EPS8: variants seen among roughly 807,000 people sequenced by gnomAD.
EPS8 encodes epidermal growth factor receptor kinase substrate 8.
In EPS8, 42 loss-of-function variants were observed where a neutral mutation model predicts 103.8. That is an observed-to-expected ratio of 0.40 (90% CI 0.32 to 0.52). EPS8 has a LOEUF of 0.52. Among genes scored for constraint, EPS8 ranks in the 20% least tolerant of loss-of-function variants. The pLI is 0.40. For missense variants in EPS8, 969 were observed against 1,005.1 expected, an observed-to-expected ratio of 0.96 and a Z score of 0.49; for synonymous variants, 344 against 344.6, an observed-to-expected ratio of 1.00 and a Z score of 0.02.
intron 18 of EPS8, among the ~76,000 whole-genome samples, chr12:15,625,156 C>T (rs1056504043): frequency 6.6e-6 from 1 of 152,156 alleles, no homozygotes; most frequent in African/African-American, 2.4e-5. Flanking sequence ...TCCGTAAGTT[C>T]CTCTAGTAGT....
chr12:15,770,482 T>C (rs1947142909), intron 1 of EPS8, among the ~76,000 whole-genome samples: 1 of 152,234 alleles, frequency 6.6e-6, no homozygotes, highest in African/African-American at 2.4e-5. Flanking sequence ...TTACTCATAA[T>C]ACAAAAATCT....
chr12:15,641,748 A>C lies in EPS8; in HGVS notation c.1651T>G (p.Ser551Ala). ...TCTAAAATATCATCCTTTAGAACCG[A>C]GAGCTCACTGTTGTTCCTTGCTACA... is the stretch of plus-strand genomic sequence containing the variant. ...DFVARNNSELSVLKDDILEIL... is the reference protein window; with the variant it reads ...DFVARNNSELAVLKDDILEIL... The change falls in exon 16 of 21, where the codon TCG (serine) becomes GCG (alanine). Residue 551 changes from serine (S) to alanine (A), a missense_variant. Transcript: ENST00000281172. The C allele has an allele frequency of 6.3e-7, 1 of 1,585,914 alleles. No homozygotes were observed.
intron 3 of EPS8, among the ~76,000 whole-genome samples, chr12:15,675,136 G>T (rs532224336): frequency 2.7e-4 from 41 of 152,318 alleles, no homozygotes; most frequent in Admixed American, 1.2e-3. Context: ...GCACTGTGTA[G>T]AACTAAAGTT....
At chr12:15,657,383 G>A (rs938755826) in intron 12 of EPS8, among the ~76,000 whole-genome samples, 2 of 152,046 alleles carry the variant, frequency 1.3e-5, no homozygotes, top group Non-Finnish European at 2.9e-5. Context: ...AGACACATGC[G>A]TGCATCCCCC....
At chr12:15,676,088 C>A (rs757268850) in intron 3 of EPS8, among the ~76,000 whole-genome samples, 1 of 151,680 alleles carries the variant, frequency 6.6e-6, no homozygotes, top group Admixed American at 6.6e-5. Context: ...CTGGCTAACA[C>A]GGTGAAACCC....
rs376169481 is a variant in EPS8, at chr12:15,669,737, C to T, written c.293G>A (p.Gly98Asp). The T allele has an allele frequency of 6.2e-6, 10 of 1,613,596 alleles. No homozygotes were observed. Among genetic ancestry groups the T allele is most frequent in the East Asian group, 2.2e-5 (1 of 44,864 alleles). Reference sequence around the variant, plus strand: ...AATCATATCTTGAGTCCACACTTTGCCCTTGGCATCAAGCAATTTCAATTT... The same window carrying T: ...AATCATATCTTGAGTCCACACTTTGTCCTTGGCATCAAGCAATTTCAATTT... ...IRKLKLLDAKGKVWTQDMILQ... is the reference protein window; with the variant it reads ...IRKLKLLDAKDKVWTQDMILQ... The change falls in exon 5 of 21, where the codon GGC becomes GAC. Residue 98 changes from glycine (G) to aspartate (D), a missense_variant. By Grantham distance (94) the Gly-to-Asp change is moderately conservative. Coordinates refer to ENST00000281172, the MANE Select transcript of EPS8 (RefSeq NM_004447.6).
At chr12:15,737,929 C>T (rs1210372463) in intron 1 of EPS8, among the ~76,000 whole-genome samples, 1 of 151,994 alleles carries the variant, frequency 6.6e-6, no homozygotes, top group African/African-American at 2.4e-5. Context: ...GAAAAACTTC[C>T]CTAAGACTCC....
At chr12:15,770,387 G>A (rs1250511490) in intron 1 of EPS8, among the ~76,000 whole-genome samples, 1 of 151,896 alleles carries the variant, frequency 6.6e-6, no homozygotes, top group Non-Finnish European at 1.5e-5. Flanking sequence ...ATTACAGTAG[G>A]ATTTGGTAAA....
In EPS8 at chr12:15,761,165, GA is replaced by G. The variant is rs554229109; in HGVS notation, c.-22+27995del. On this transcript the variant is annotated intron_variant, in intron 1 of 20. Coordinates refer to ENST00000281172, the MANE Select transcript of EPS8 (RefSeq NM_004447.6). This position sits in a 1 kb window ranked among gnomAD's most constrained non-coding sequence, Gnocchi z 4.5. The stretch of plus-strand genomic sequence containing the variant: ...TGCCAACAGACAACAATCTGAAAAA[GA>G]AAAAAAAAGTAATCCCATTTACAAC... Among the ~76,000 whole-genome samples the G allele has an allele frequency of 6.1e-3, 899 of 148,454 alleles. 23 individuals carry two copies. The highest frequency in any genetic ancestry group is 0.049 in the Admixed American group (737 of 14,980).
In EPS8 at chr12:15,697,955, C is replaced by G. The variant is rs1946263564; in HGVS notation, c.-21-14983G>C. Among the ~76,000 whole-genome samples, 1 of 152,076 alleles carries G rather than the reference C, an allele frequency of 6.6e-6. No homozygotes were observed. The highest frequency in any genetic ancestry group is 1.5e-5 in the Non-Finnish European group (1 of 68,016). On this transcript the variant is annotated intron_variant, in intron 1 of 20. Transcript: ENST00000281172. This position sits in a 1 kb window ranked among gnomAD's most constrained non-coding sequence, Gnocchi z 5.6. ...GCATGGCATCACCTTGACTTTGTTCCATGAAGTTCATGTCTATTACAGAAA... is the reference window on the plus strand; with the variant it reads ...GCATGGCATCACCTTGACTTTGTTCGATGAAGTTCATGTCTATTACAGAAA...
intron 13 of EPS8, among the ~76,000 whole-genome samples, chr12:15,652,802 G>A (rs948840976): frequency 7.2e-5 from 11 of 152,010 alleles, no homozygotes; most frequent in African/African-American, 2.7e-4. Flanking sequence ...GAAAATAAGT[G>A]GAAAAGTTTG....
rs1280134484 is a variant in EPS8 at position 15,738,519 on chromosome 12, T to G, written c.-22+50642A>C. ...TATCAAAATAATTCATTGAACTTAC[T>G]GAAGGTCCTTCTATAATAAGAACAT... On this transcript the variant is annotated intron_variant, in intron 1 of 20. Coordinates refer to ENST00000281172, the MANE Select transcript of EPS8 (RefSeq NM_004447.6). The surrounding 1 kb of genome is among the most constrained non-coding windows in gnomAD (Gnocchi z 6.2). Among the ~76,000 whole-genome samples, 3 of 152,224 alleles carry G rather than the reference T, an allele frequency of 2.0e-5. No homozygotes were observed. Among genetic ancestry groups the G allele is most frequent in the Non-Finnish European group, 4.4e-5 (3 of 68,034 alleles).
At position 15,688,655 on chromosome 12, in the gene EPS8, G is replaced by A. The variant is rs1946128784; in HGVS notation, c.-21-5683C>T. ...AATTTGGAGTTTAGCAGGGGCAGCC[G>A]GACTCCAGGGGAAAACCATTCTCCC... On this transcript the variant is annotated intron_variant, in intron 1 of 20. Coordinates refer to ENST00000281172, the MANE Select transcript of EPS8 (RefSeq NM_004447.6). This position sits in a 1 kb window ranked among gnomAD's most constrained non-coding sequence, Gnocchi z 5.1. Among the ~76,000 whole-genome samples the A allele has an allele frequency of 1.3e-5, 2 of 151,974 alleles. No homozygotes were observed. Among genetic ancestry groups the A allele is most frequent in the South Asian group, 4.2e-4 (2 of 4,798 alleles).
chr12:15,663,986 C>CACACAT (rs1295823075), intron 8 of EPS8, among the ~76,000 whole-genome samples: 3 of 125,992 alleles, frequency 2.4e-5, no homozygotes, highest in African/African-American at 5.9e-5. Flanking sequence ...TACACACACA[C>CACACAT]ATATATATAT....
intron 15 of EPS8, 83 bp from the exon 16 acceptor site, chr12:15,641,913 C>A: frequency 1.7e-6 from 1 of 581,930 alleles, no homozygotes; most frequent in Non-Finnish European, 2.8e-6. Flanking sequence ...CAAGCCAAAT[C>A]CTACCAGAAA....
At chr12:15,667,601 T>G (rs571910947) in intron 6 of EPS8, among the ~76,000 whole-genome samples, 1 of 152,072 alleles carries the variant, frequency 6.6e-6, no homozygotes, top group South Asian at 2.1e-4. Context: ...CTTCTTATAC[T>G]GGGGCTATTA....
Position 15,776,894 on chromosome 12 carries a change from T to C in EPS8, c.-22+12267A>G, listed in dbSNP as rs1376753247. Among the ~76,000 whole-genome samples, 1 of 152,234 alleles carries C rather than the reference T, an allele frequency of 6.6e-6. No individual in the cohort carries two copies. Among genetic ancestry groups the C allele is most frequent in the East Asian group, 1.9e-4 (1 of 5,206 alleles). ...TTGAAAATTTCATATTTCCCAGTAA[T>C]GATAGTTTGATTTTATCAATGCCTT... On this transcript the variant is annotated intron_variant, in intron 1 of 20. Coordinates refer to ENST00000281172, the MANE Select transcript of EPS8 (RefSeq NM_004447.6). The surrounding 1 kb of genome is among the most constrained non-coding windows in gnomAD (Gnocchi z 4.2).
intron 8 of EPS8, among the ~76,000 whole-genome samples, chr12:15,664,107 G>C (rs1174650468): frequency 1.3e-5 from 2 of 149,580 alleles, no homozygotes; most frequent in African/African-American, 4.9e-5. Flanking sequence ...CTCTACTTCA[G>C]ACCCTCTTCA....
chr12:15,784,379 G>A lies in EPS8; in HGVS notation c.-22+4782C>T, dbSNP rs559451337. On this transcript the variant is annotated intron_variant, in intron 1 of 20. Transcript: ENST00000281172. This position sits in a 1 kb window ranked among gnomAD's most constrained non-coding sequence, Gnocchi z 4.0. Reference sequence around the variant, plus strand: ...AAGATGTACAGATGAAAAGGGGTATGTGAAAAGATGTTAACATCATATGTC... The same window carrying A: ...AAGATGTACAGATGAAAAGGGGTATATGAAAAGATGTTAACATCATATGTC... 3.9e-5 allele frequency among the ~76,000 whole-genome samples: 6 copies of A among 152,264 alleles called. No individual in the cohort carries two copies. In the South Asian group the frequency reaches 1.2e-3, roughly 32 times the overall value.
Sources: gnomAD v4.1 joint callset for allele counts (sites outside exome capture counted in the v4.1 genomes callset) on GRCh38, gnomAD v4.1.1 for gene constraint, Gnocchi (gnomAD v3.1) non-coding constraint, MANE v1.5 for transcripts, NCBI Gene and HGNC (gene_info 2026-07-23, HGNC 2026-07-21) for gene names.